Variants in NKAIN3 observed in about 807,000 individuals in gnomAD.
NKAIN3 encodes sodium/potassium transporting ATPase interacting 3, also known as sodium/potassium-transporting ATPase subunit beta-1-interacting protein 3.
NKAIN3 carries 25 observed loss-of-function variants against 30.2 expected under a neutral mutation model. The observed-to-expected ratio is 0.83, with a 90% CI of 0.60 to 1.16. The LOEUF (loss-of-function observed/expected upper bound fraction) is 1.16, where lower values mean the gene tolerates loss of function less well. Ranked by LOEUF, NKAIN3 falls within the 50% of genes most tolerant of loss-of-function variation. NKAIN3 has a pLI of 0.00. For synonymous variants in NKAIN3, 91 were observed against 89.6 expected (o/e 1.02, Z -0.09); for missense variants, 225 against 254.1 (o/e 0.89, Z 0.78).
At chr8:62,871,355 A>G (rs1820637532) in intron 4 of NKAIN3, among the ~76,000 whole-genome samples, 1 of 149,688 alleles carries the variant, frequency 6.7e-6, no homozygotes. Flanking sequence ...GTTGGCCGAG[A>G]TCTTGCCACT....
intron 1 of NKAIN3, among the ~76,000 whole-genome samples, chr8:62,315,302 C>T (rs1203768007): frequency 6.6e-6 from 1 of 152,066 alleles, no homozygotes. Context: ...AACATAATGC[C>T]CTGTGAAATA....
At chr8:62,282,368 TG>T (rs1462358003) in intron 1 of NKAIN3, among the ~76,000 whole-genome samples, 3 of 152,162 alleles carry the variant, frequency 2.0e-5, no homozygotes, top group African/African-American at 2.4e-5. Context: ...GGATGGCGAA[TG>T]TAGTCAGGTG....
intron 4 of NKAIN3, among the ~76,000 whole-genome samples, chr8:62,887,786 G>A (rs1563613151): frequency 6.6e-6 from 1 of 152,018 alleles, no homozygotes; most frequent in African/African-American, 2.4e-5. Context: ...TTTGCATGCT[G>A]ACCAATTTTT....
chr8:62,955,819 G>A (rs2130899170), intron 6 of NKAIN3, among the ~76,000 whole-genome samples: 1 of 152,268 alleles, frequency 6.6e-6, no homozygotes, highest in South Asian at 2.1e-4. Context: ...TCACCTAAAA[G>A]GCTTTGATCA....
At chr8:62,922,298 C>T (rs527520955) in intron 5 of NKAIN3, among the ~76,000 whole-genome samples, 1 of 152,218 alleles carries the variant, frequency 6.6e-6, no homozygotes, top group East Asian at 1.9e-4. Flanking sequence ...CCCATGAACT[C>T]CTTCTAAGAA....
chr8:62,539,393 A>T (rs909970336), intron 1 of NKAIN3, among the ~76,000 whole-genome samples: 1 of 152,214 alleles, frequency 6.6e-6, no homozygotes, highest in Non-Finnish European at 1.5e-5. Flanking sequence ...CTGACAGAAA[A>T]CAAGTGTAGG....
intron 5 of NKAIN3, among the ~76,000 whole-genome samples, chr8:62,936,597 T>C (rs1822796374): frequency 6.6e-6 from 1 of 152,172 alleles, no homozygotes; most frequent in Non-Finnish European, 1.5e-5. Context: ...AATGAAAGCA[T>C]TACTGTTCTG....
chr8:62,811,042 C>A (rs951517864), intron 4 of NKAIN3, among the ~76,000 whole-genome samples: 4 of 151,992 alleles, frequency 2.6e-5, no homozygotes, highest in African/African-American at 9.7e-5. Flanking sequence ...ACTATATCCC[C>A]TTCCTCCTTT....
At chr8:62,291,347 T>C (rs1386696870) in intron 1 of NKAIN3, among the ~76,000 whole-genome samples, 3 of 152,232 alleles carry the variant, frequency 2.0e-5, no homozygotes, top group Non-Finnish European at 4.4e-5. Flanking sequence ...CAATTTTACA[T>C]CTTTCCTGCT....
chr8:62,527,666 G>A (rs992126769), intron 1 of NKAIN3, among the ~76,000 whole-genome samples: 7 of 152,018 alleles, frequency 4.6e-5, no homozygotes, highest in Non-Finnish European at 8.8e-5. Context: ...TAGTTAAGAA[G>A]CAATGTTTTA....
At chr8:62,462,747 C>G (rs1233527805) in intron 1 of NKAIN3, among the ~76,000 whole-genome samples, 1 of 152,106 alleles carries the variant, frequency 6.6e-6, no homozygotes, top group Non-Finnish European at 1.5e-5. Flanking sequence ...AATGAAGAGA[C>G]TTTTAGATGA....
intron 3 of NKAIN3, among the ~76,000 whole-genome samples, chr8:62,593,737 G>A (rs1318475005): frequency 1.3e-5 from 2 of 152,032 alleles, no homozygotes; most frequent in Non-Finnish European, 2.9e-5. Flanking sequence ...AATTGGTTAA[G>A]GAAACAGAAT....
chr8:62,506,445 A>C (rs1162632490), intron 1 of NKAIN3, among the ~76,000 whole-genome samples: 1 of 123,542 alleles, frequency 8.1e-6, no homozygotes. Flanking sequence ...GTGCATTTTT[A>C]TTTTTTCTGC....
chr8:62,763,653 G>T (rs1362508394), intron 4 of NKAIN3, among the ~76,000 whole-genome samples: 11 of 152,154 alleles, frequency 7.2e-5, no homozygotes, highest in Non-Finnish European at 2.9e-5. Flanking sequence ...ATCCAAATAA[G>T]CAGGGAACTG....
intron 4 of NKAIN3, among the ~76,000 whole-genome samples, chr8:62,916,094 T>C (rs1822092750): frequency 6.6e-6 from 1 of 150,800 alleles, no homozygotes; most frequent in Non-Finnish European, 1.5e-5. Context: ...ATAGGATAGA[T>C]GATACAAACT....
Position 62,610,100 on chromosome 8 carries a change from C to T in NKAIN3, c.273+20306C>T, listed in dbSNP as rs189891950. Among the ~76,000 whole-genome samples the T allele has an allele frequency of 3.4e-3, 511 of 152,134 alleles. 2 individuals are homozygous for T. The highest frequency in any genetic ancestry group is 0.011 in the African/African-American group (443 of 41,520). On this transcript the variant is annotated intron_variant, in intron 3 of 6. Transcript: ENST00000623646. ...GTGGCTCATGCCTATAATCCCAGCACTTTGGGAGGCCGAGGCAGGTGGATC... is the reference window on the plus strand; with the variant it reads ...GTGGCTCATGCCTATAATCCCAGCATTTTGGGAGGCCGAGGCAGGTGGATC...
chr8:62,835,626 C>A (rs1819336336), intron 4 of NKAIN3, among the ~76,000 whole-genome samples: 1 of 152,028 alleles, frequency 6.6e-6, no homozygotes, highest in Non-Finnish European at 1.5e-5. Context: ...AAATGCAAAC[C>A]AAAACCACAA....
intron 1 of NKAIN3, among the ~76,000 whole-genome samples, chr8:62,359,990 A>G (rs1816495805): frequency 6.6e-6 from 1 of 152,224 alleles, no homozygotes; most frequent in South Asian, 2.1e-4. Context: ...AACCTCAGCC[A>G]CAATGTGTGT....
At chr8:62,407,048 G>A (rs1245235314) in intron 1 of NKAIN3, among the ~76,000 whole-genome samples, 1 of 151,992 alleles carries the variant, frequency 6.6e-6, no homozygotes. Context: ...TAAAACATTT[G>A]CAATAATTTT....
Sources: allele counts gnomAD v4.1 joint callset (sites outside exome capture counted in the v4.1 genomes callset), GRCh38; gene constraint gnomAD v4.1.1; transcripts MANE v1.5; gene names NCBI Gene and HGNC (gene_info 2026-07-23, HGNC 2026-07-21).